OPCML: variants seen among roughly 807,000 people sequenced by gnomAD.
The protein encoded by OPCML is opioid binding protein/cell adhesion molecule like, also known as opioid-binding protein/cell adhesion molecule.
Under a neutral mutation model 37.8 loss-of-function variants are expected in OPCML, and 13 were observed. The ratio of observed to expected loss-of-function variants is 0.34; its 90% CI spans 0.22 to 0.55. The LOEUF (loss-of-function observed/expected upper bound fraction) is 0.55. Among genes scored for constraint, OPCML ranks in the 20% least tolerant of loss-of-function variants. OPCML has a pLI of 0.91. For missense variants in OPCML, 341 were observed against 435.6 expected, an observed-to-expected ratio of 0.78 and a Z score of 1.93; for synonymous variants, 176 against 168.8, an observed-to-expected ratio of 1.04 and a Z score of -0.33.
intron 1 of OPCML, chr11:133,009,268 A>C: frequency 3.1e-6 from 3 of 978,912 alleles, no homozygotes; most frequent in Non-Finnish European, 3.6e-6. Context: ...CTTGCTTGTT[A>C]AAATGCAATG....
intron 2 of OPCML, among the ~76,000 whole-genome samples, chr11:132,703,055 C>G (rs1488360750): frequency 6.6e-6 from 1 of 152,048 alleles, no homozygotes; most frequent in African/African-American, 2.4e-5. Context: ...TCCTATATTT[C>G]CATTTCATTA....
chr11:132,885,044 G>T (rs1230172475), intron 2 of OPCML, among the ~76,000 whole-genome samples: 1 of 152,186 alleles, frequency 6.6e-6, no homozygotes, highest in Non-Finnish European at 1.5e-5. Flanking sequence ...TGGACCACAC[G>T]CTGTGCCTTC....
At chr11:133,024,309 G>C in intron 1 of OPCML, 1 of 977,150 alleles carries the variant, frequency 1.0e-6, no homozygotes, top group Non-Finnish European at 1.2e-6. Flanking sequence ...GATGGAAGTT[G>C]GGAGCATGCT....
chr11:133,411,207 G>T (rs1275871520), intron 1 of OPCML, among the ~76,000 whole-genome samples: 1 of 152,190 alleles, frequency 6.6e-6, no homozygotes, highest in African/African-American at 2.4e-5. Context: ...TGAATAATGG[G>T]TGCCTCGGTG....
chr11:133,369,023 C>T (rs999141238), intron 1 of OPCML, among the ~76,000 whole-genome samples: 2 of 152,220 alleles, frequency 1.3e-5, no homozygotes, highest in African/African-American at 4.8e-5. Context: ...AGGCATTCTT[C>T]ATGATAGGCA....
chr11:132,877,941 A>T (rs1168280905), intron 2 of OPCML, among the ~76,000 whole-genome samples: 1 of 152,160 alleles, frequency 6.6e-6, no homozygotes, highest in Non-Finnish European at 1.5e-5. Flanking sequence ...TATTGACATT[A>T]ACTTATTCAC....
rs978524674 is a variant in OPCML, at chr11:132,566,466, A to G, written c.380-37280T>C. Reference sequence around the variant, plus strand: ...TACATCTAGAGAGGTGGACAGCTAGAAAATGCTACTTACTAATAGACTAAC... The same window carrying G: ...TACATCTAGAGAGGTGGACAGCTAGGAAATGCTACTTACTAATAGACTAAC... On this transcript the variant is annotated intron_variant, in intron 3 of 7. Transcript: ENST00000524381. Among the ~76,000 whole-genome samples, 5 of 152,236 alleles carry G rather than the reference A, an allele frequency of 3.3e-5. 1 individual carries two copies. Among genetic ancestry groups the G allele is most frequent in the Non-Finnish European group, 7.3e-5 (5 of 68,036 alleles).
At chr11:133,262,729 C>G (rs1005763713) in intron 1 of OPCML, among the ~76,000 whole-genome samples, 14 of 152,070 alleles carry the variant, frequency 9.2e-5, no homozygotes, top group African/African-American at 3.4e-4. Context: ...GATACCCTGA[C>G]TGTGGAGTGG....
At chr11:133,446,383 T>A (rs1262064242) in intron 1 of OPCML, among the ~76,000 whole-genome samples, 1 of 152,200 alleles carries the variant, frequency 6.6e-6, no homozygotes, top group Admixed American at 6.5e-5. Flanking sequence ...GAGGTATAAC[T>A]TACATACCAT....
chr11:132,617,000 G>A (rs959389611), intron 3 of OPCML, among the ~76,000 whole-genome samples: 4 of 152,186 alleles, frequency 2.6e-5, no homozygotes, highest in Non-Finnish European at 4.4e-5. Flanking sequence ...AAAGGAGACA[G>A]TAGCCATATT....
chr11:132,806,046 TGAA>T (rs1362249189), intron 2 of OPCML, among the ~76,000 whole-genome samples: 1 of 152,022 alleles, frequency 6.6e-6, no homozygotes, highest in Non-Finnish European at 1.5e-5. Context: ...GTGTGAAATG[TGAA>T]GGAGAAGGTT....
intron 4 of OPCML, among the ~76,000 whole-genome samples, chr11:132,463,184 T>C (rs1369181174): frequency 6.6e-6 from 1 of 152,218 alleles, no homozygotes; most frequent in African/African-American, 2.4e-5. Context: ...ACATCAGCAA[T>C]GCACATCATT....
intron 1 of OPCML, among the ~76,000 whole-genome samples, chr11:133,372,516 G>A (rs1280168996): frequency 1.3e-5 from 2 of 152,102 alleles, no homozygotes; most frequent in Admixed American, 6.5e-5. Flanking sequence ...ACCAATATTT[G>A]TTGTTAATTT....
intron 2 of OPCML, among the ~76,000 whole-genome samples, chr11:132,781,680 G>A (rs1202638835): frequency 6.6e-6 from 1 of 150,902 alleles, no homozygotes; most frequent in Non-Finnish European, 1.5e-5. Flanking sequence ...GTTCACACCT[G>A]GATGAGTCCC....
Position 133,208,599 on chromosome 11 carries a change from T to G in OPCML, c.62-265589A>C, listed in dbSNP as rs1257804778. ...GAAGTTGAAGCAGGAAAAGCTGGAT[T>G]TTGACACATATTTGACATGCATCTC... On this transcript the variant is annotated intron_variant, in intron 1 of 7. Transcript: ENST00000524381. This position sits in a 1 kb window ranked among gnomAD's most constrained non-coding sequence, Gnocchi z 8.9. Among the ~76,000 whole-genome samples the G allele has an allele frequency of 1.3e-5, 2 of 152,176 alleles. No homozygotes were observed. Among genetic ancestry groups the G allele is most frequent in the Non-Finnish European group, 2.9e-5 (2 of 68,034 alleles).
At chr11:133,293,708 C>A (rs935263885) in intron 1 of OPCML, among the ~76,000 whole-genome samples, 4 of 152,118 alleles carry the variant, frequency 2.6e-5, no homozygotes, top group Admixed American at 2.0e-4. Flanking sequence ...AAGAAAGGAT[C>A]AAGGCTGAGA....
intron 2 of OPCML, among the ~76,000 whole-genome samples, chr11:132,924,177 G>A (rs552672520): frequency 6.6e-6 from 1 of 151,916 alleles, no homozygotes; most frequent in East Asian, 1.9e-4. Context: ...AGAGAAAAGA[G>A]GAAGTAAAAA....
At chr11:132,978,375 A>G (rs1342866446) in intron 1 of OPCML, among the ~76,000 whole-genome samples, 2 of 152,182 alleles carry the variant, frequency 1.3e-5, no homozygotes, top group Admixed American at 1.3e-4. Context: ...TGGAGAGAAG[A>G]GTTTGGTAGC....
chr11:132,773,462 G>A (rs1299417203), intron 2 of OPCML: 2 of 152,136 alleles, frequency 1.3e-5, no homozygotes, highest in African/African-American at 4.8e-5. Flanking sequence ...TGAGCAACGT[G>A]GGCTGCAAAT....
Sources: gnomAD v4.1 joint callset for allele counts (sites outside exome capture counted in the v4.1 genomes callset) on GRCh38, gnomAD v4.1.1 for gene constraint, Gnocchi (gnomAD v3.1) non-coding constraint, MANE v1.5 for transcripts, NCBI Gene and HGNC (gene_info 2026-07-23, HGNC 2026-07-21) for gene names.